The following ARHGEF10 variants were observed in gnomAD, a reference collection of about 807,000 sequenced individuals.
The protein encoded by ARHGEF10 is Rho guanine nucleotide exchange factor 10, also known as Rho guanine nucleotide exchange factor (GEF) 10.
ARHGEF10 carries 140 observed loss-of-function variants against 147.4 expected under a neutral mutation model. The ratio of observed to expected loss-of-function variants is 0.95; its 90% confidence interval spans 0.83 to 1.09. The LOEUF (loss-of-function observed/expected upper bound fraction) is 1.09. ARHGEF10 is among the 50% of genes least tolerant of loss of function. ARHGEF10 has a pLI of 0.00. For missense variants in ARHGEF10, 2,222 were observed against 1,752.7 expected, an observed-to-expected ratio of 1.27 and a Z score of -4.78; for synonymous variants, 902 against 695.8, an observed-to-expected ratio of 1.30 and a Z score of -4.67.
At chr8:1,888,247 G>GT (rs1425612705) in intron 11 of ARHGEF10, among the ~76,000 whole-genome samples, 13 of 71,060 alleles carry the variant, frequency 1.8e-4, no homozygotes, top group South Asian at 6.7e-4. Context: ...TGTGGTGAGG[G>GT]TTGCGAGGAG....
chr8:1,892,277 CTGTGTGTGTGTG>C (rs66526026), intron 11 of ARHGEF10, among the ~76,000 whole-genome samples: 282 of 126,644 alleles, frequency 2.2e-3, no homozygotes, highest in South Asian at 3.5e-3. Context: ...GCTTCTGGCT[CTGTGTGTGTGTG>C]TGTGTGTGTG....
chr8:1,901,229 T>C (rs775970183), intron 15 of ARHGEF10, among the ~76,000 whole-genome samples: 13 of 152,140 alleles, frequency 8.5e-5, no homozygotes, highest in Non-Finnish European at 1.5e-4. Flanking sequence ...TCCTGCCTTC[T>C]GCCGTAGTCC....
intron 3 of ARHGEF10, chr8:1,858,931 C>A (rs59120822): frequency 5.8e-6 from 1 of 173,710 alleles, no homozygotes; most frequent in South Asian, 1.0e-4. Flanking sequence ...GCATAGCACC[C>A]ACCTCTTGGC....
At chr8:1,901,862 T>C (rs1585465631) in intron 15 of ARHGEF10, among the ~76,000 whole-genome samples, 1 of 152,238 alleles carries the variant, frequency 6.6e-6, no homozygotes, top group African/African-American at 2.4e-5. Context: ...AAACATTTAA[T>C]CATTTATGCA....
At chr8:1,823,454 G>A (rs969587045), upstream of ARHGEF10, among the ~76,000 whole-genome samples, 4 of 152,060 alleles carry the variant, frequency 2.6e-5, no homozygotes, top group Admixed American at 6.5e-5. Flanking sequence ...TGTTCTGGGG[G>A]GGGGAGCGTC....
chr8:1,829,007 G>T (rs1201494086), intron 1 of ARHGEF10, among the ~76,000 whole-genome samples: 1 of 152,238 alleles, frequency 6.6e-6, no homozygotes, highest in Non-Finnish European at 1.5e-5. Context: ...GTGGTATTCA[G>T]TGCGTATCTG....
rs570401229 is a variant in ARHGEF10 at position 1,866,563 on chromosome 8, C to T, written c.583C>T (p.Arg195Cys). Residue 195 changes from arginine (R) to cysteine (C), a missense_variant, in exon 6 of 29, where the codon CGC becomes TGC. Coordinates refer to ENST00000349830, the MANE Select transcript of ARHGEF10 (RefSeq NM_014629.4). ...QVGREDSALA[R>C]WAADPANTAW... ...CGGTCGAGAGGACAGCGCACTTGCCCGCTGGGCCGCAGACCCGGCCAACAC... is the reference window on the plus strand; with the variant it reads ...CGGTCGAGAGGACAGCGCACTTGCCTGCTGGGCCGCAGACCCGGCCAACAC... 2.2e-5 allele frequency: 35 copies of T among 1,608,988 alleles called. No individual in the cohort carries two copies. The highest frequency in any genetic ancestry group is 4.5e-5 in the East Asian group (2 of 44,878).
At chr8:1,955,390 T>A (rs1815458522) in intron 28 of ARHGEF10, among the ~76,000 whole-genome samples, 22 of 141,572 alleles carry the variant, frequency 1.6e-4, no homozygotes, top group East Asian at 6.4e-4. Context: ...GGAGGTGTAC[T>A]CTCACTGTTT....
intron 3 of ARHGEF10, 43 bp from the exon 4 acceptor site, chr8:1,859,854 C>T: frequency 6.2e-7 from 1 of 1,612,242 alleles, no homozygotes; most frequent in South Asian, 1.1e-5. Flanking sequence ...CCTGCCATGC[C>T]CTTGGTGATG....
intron 24 of ARHGEF10, 77 bp downstream of exon 24, chr8:1,928,727 A>G (rs1411191033): frequency 6.6e-7 from 1 of 1,522,438 alleles, no homozygotes; most frequent in Non-Finnish European, 9.0e-7. Flanking sequence ...CTGTCCTGGA[A>G]AGAGTCCTTG....
intron 4 of ARHGEF10, among the ~76,000 whole-genome samples, chr8:1,862,271 C>T (rs1161933822): frequency 1.3e-5 from 2 of 152,266 alleles, no homozygotes; most frequent in African/African-American, 2.4e-5. Context: ...CCGGGACGTA[C>T]AGCCCAGCCA....
chr8:1,870,529 A>G (rs1043830918), intron 7 of ARHGEF10: 2 of 152,216 alleles, frequency 1.3e-5, no homozygotes, highest in African/African-American at 4.8e-5. Context: ...TGAGAGATAC[A>G]TAAGAGTACA....
At chr8:1,949,565 G>C (rs988251234) in intron 27 of ARHGEF10, among the ~76,000 whole-genome samples, 7 of 152,174 alleles carry the variant, frequency 4.6e-5, no homozygotes, top group Admixed American at 3.3e-4. Context: ...TGATGGGAAA[G>C]TGCTGAGACA....
Position 1,905,567 on chromosome 8 carries a change from C to G in ARHGEF10, c.1822-4C>G, listed in dbSNP as rs58859060. The G allele has an allele frequency of 2.4e-3, 3,921 of 1,614,114 alleles. 71 individuals are homozygous for G. The African/African-American group carries it at 0.045, about 18-fold the overall frequency. ...GGTCCCTGGGCTGTGTTTTGAATGT[C>G]CAGCTTCTCAGCAGTGGAAGCCGAT... On this transcript the variant is annotated splice_region_variant and splice_polypyrimidine_tract_variant and intron_variant, in intron 16 of 28. Transcript: ENST00000349830.
rs150156227 is a variant in ARHGEF10, at chr8:1,865,985, C to G, written c.546-541C>G. 3.4e-3 allele frequency among the ~76,000 whole-genome samples: 513 copies of G among 152,316 alleles called. 1 individual carries two copies. Among genetic ancestry groups the G allele is most frequent in the African/African-American group, 0.012 (497 of 41,572 alleles). The stretch of plus-strand genomic sequence containing the variant: ...TCATCATCCTTCCGAGTGGAGCATT[C>G]CCGTAGCTACCCATTGCAAAGGATG... On this transcript the variant is annotated intron_variant, in intron 5 of 28. Coordinates refer to ENST00000349830, the MANE Select transcript of ARHGEF10 (RefSeq NM_014629.4).
At chr8:1,862,176 C>A (rs1160387912) in intron 4 of ARHGEF10, among the ~76,000 whole-genome samples, 1 of 152,228 alleles carries the variant, frequency 6.6e-6, no homozygotes, top group African/African-American at 2.4e-5. Context: ...CCCACACTTC[C>A]TGCCTGGTGG....
At chr8:1,854,149 G>T (rs1240670692) in intron 2 of ARHGEF10, among the ~76,000 whole-genome samples, 1 of 152,208 alleles carries the variant, frequency 6.6e-6, no homozygotes, top group African/African-American at 2.4e-5. Flanking sequence ...GTGATGCCCA[G>T]GATCCCCCAG....
intron 26 of ARHGEF10, among the ~76,000 whole-genome samples, chr8:1,935,212 C>T (rs1024785255): frequency 2.0e-5 from 3 of 151,126 alleles, no homozygotes; most frequent in Non-Finnish European, 4.4e-5. Context: ...CACACGCACA[C>T]CCCCCACAAC....
At chr8:1,900,201 G>GT (rs962226385) in intron 15 of ARHGEF10, among the ~76,000 whole-genome samples, 1 of 152,110 alleles carries the variant, frequency 6.6e-6, no homozygotes, top group African/African-American at 2.4e-5. Context: ...TTTTGCCTAG[G>GT]TTTTTTCCGA....
Sources: allele counts gnomAD v4.1 joint callset (sites outside exome capture counted in the v4.1 genomes callset), GRCh38; gene constraint gnomAD v4.1.1; transcripts MANE v1.5; gene names NCBI Gene and HGNC (gene_info 2026-07-23, HGNC 2026-07-21).